RBMS1: variants seen among roughly 807,000 people sequenced by gnomAD.
RBMS1 encodes RNA binding motif single stranded interacting protein 1.
A neutral mutation model predicts 62.3 loss-of-function variants in RBMS1; 17 were observed. The observed-to-expected ratio is 0.27, with a 90% CI of 0.19 to 0.41. RBMS1 has a LOEUF of 0.41. RBMS1 is among the 10% of genes least tolerant of loss of function. The pLI is 1.00. For synonymous variants in RBMS1, 172 were observed against 170.0 expected (o/e 1.01, Z -0.09); for missense variants, 334 against 504.5 (o/e 0.66, Z 3.24).
At chr2:160,482,292 G>T (rs755705052) in intron 1 of RBMS1, among the ~76,000 whole-genome samples, 2 of 152,206 alleles carry the variant, frequency 1.3e-5, no homozygotes, top group Non-Finnish European at 2.9e-5. Context: ...CACACTAGTA[G>T]TTACCTTTAG....
chr2:160,338,947 T>C (rs1454752141), intron 2 of RBMS1, among the ~76,000 whole-genome samples: 3 of 152,150 alleles, frequency 2.0e-5, no homozygotes, highest in Non-Finnish European at 2.9e-5. Flanking sequence ...TACTTAATCC[T>C]CATCACAGGC....
At chr2:160,443,899 C>T (rs921862560) in intron 1 of RBMS1, among the ~76,000 whole-genome samples, 6 of 152,094 alleles carry the variant, frequency 3.9e-5, no homozygotes, top group African/African-American at 1.4e-4. Context: ...ACTTGTAGTA[C>T]TTGTACTTCT....
At chr2:160,310,288 A>T (rs899481619) in intron 4 of RBMS1, among the ~76,000 whole-genome samples, 1 of 152,216 alleles carries the variant, frequency 6.6e-6, no homozygotes, top group African/African-American at 2.4e-5. Context: ...CTGCCTGATC[A>T]CCAAATAATA....
chr2:160,297,867 G>A (rs1434534612), intron 6 of RBMS1, among the ~76,000 whole-genome samples: 1 of 152,242 alleles, frequency 6.6e-6, no homozygotes, highest in Non-Finnish European at 1.5e-5. Flanking sequence ...CAGGACTGCA[G>A]AAGTAGGCAA....
intron 2 of RBMS1, among the ~76,000 whole-genome samples, chr2:160,321,005 C>T (rs1277319997): frequency 2.0e-5 from 3 of 151,950 alleles, no homozygotes; most frequent in Non-Finnish European, 2.9e-5. Flanking sequence ...ACTGCTCAAG[C>T]TCTCAGAGTT....
chr2:160,407,022 A>T (rs1428056045), intron 1 of RBMS1, among the ~76,000 whole-genome samples: 1 of 149,704 alleles, frequency 6.7e-6, no homozygotes, highest in Non-Finnish European at 1.5e-5. Flanking sequence ...AGACACACAC[A>T]GAGACACAGA....
chr2:160,473,109 T>C (rs754049040), intron 1 of RBMS1, among the ~76,000 whole-genome samples: 3 of 152,346 alleles, frequency 2.0e-5, no homozygotes, highest in East Asian at 1.9e-4. Flanking sequence ...TAAGTGACAG[T>C]TGACTTCTCT....
intron 1 of RBMS1, among the ~76,000 whole-genome samples, chr2:160,435,319 G>A (rs187883400): frequency 1.4e-3 from 215 of 151,848 alleles, no homozygotes; most frequent in Non-Finnish European, 1.5e-3. Flanking sequence ...GTGTGGTCCC[G>A]AATACTTTTA....
At chr2:160,335,144 T>C (rs1691497266) in intron 2 of RBMS1, among the ~76,000 whole-genome samples, 1 of 152,152 alleles carries the variant, frequency 6.6e-6, no homozygotes, top group African/African-American at 2.4e-5. Flanking sequence ...AGAAATGGCA[T>C]GTGGTGGACC....
intron 2 of RBMS1, among the ~76,000 whole-genome samples, chr2:160,342,742 T>C (rs1573896934): frequency 8.1e-6 from 1 of 123,404 alleles, no homozygotes; most frequent in African/African-American, 3.2e-5. Context: ...CATGGTGAAA[T>C]CCCATCTCTA....
chr2:160,376,298 T>A (rs970151347), intron 1 of RBMS1, among the ~76,000 whole-genome samples: 1 of 152,216 alleles, frequency 6.6e-6, no homozygotes, highest in Non-Finnish European at 1.5e-5. Context: ...GACATGTGAA[T>A]GACCTTGCAG....
At chr2:160,391,713 C>A (rs1317289548) in intron 1 of RBMS1, among the ~76,000 whole-genome samples, 1 of 152,230 alleles carries the variant, frequency 6.6e-6, no homozygotes, top group Non-Finnish European at 1.5e-5. Context: ...CACAGTGGCT[C>A]ATGCCTGTAA....
chr2:160,438,701 TC>T (rs1471243198), intron 1 of RBMS1, among the ~76,000 whole-genome samples: 1 of 152,204 alleles, frequency 6.6e-6, no homozygotes, highest in Non-Finnish European at 1.5e-5. Flanking sequence ...CTCAGTCTTT[TC>T]CCCACCTTTC....
intron 1 of RBMS1, among the ~76,000 whole-genome samples, chr2:160,367,680 C>T (rs576726492): frequency 6.6e-6 from 1 of 152,244 alleles, no homozygotes; most frequent in East Asian, 1.9e-4. Flanking sequence ...ACATCTGAGA[C>T]TCAAAACGTG....
intron 1 of RBMS1, among the ~76,000 whole-genome samples, chr2:160,369,894 G>C (rs1693627015): frequency 1.3e-5 from 2 of 152,152 alleles, no homozygotes; most frequent in African/African-American, 4.8e-5. Context: ...ATTTAGACAT[G>C]AAAGTAGTAG....
At chr2:160,458,903 T>A (rs2105329587) in intron 1 of RBMS1, among the ~76,000 whole-genome samples, 1 of 152,336 alleles carries the variant, frequency 6.6e-6, no homozygotes, top group African/African-American at 2.4e-5. Context: ...GGCGGGCCCT[T>A]ACACTGCATT....
intron 1 of RBMS1, among the ~76,000 whole-genome samples, chr2:160,439,710 G>A (rs1574061240): frequency 1.3e-5 from 2 of 152,350 alleles, no homozygotes; most frequent in South Asian, 2.1e-4. Flanking sequence ...AGGCTGCTGG[G>A]AGGTGGAGGT....
Position 160,273,504 on chromosome 2 carries a change from T to C in RBMS1, c.*1268A>G, listed in dbSNP as rs1002879782. The C allele has an allele frequency of 3.3e-5, 5 of 150,278 alleles. No homozygotes were observed. The highest frequency in any genetic ancestry group is 7.3e-5 in the African/African-American group (3 of 41,020). The allele number at this position is 150,278 out of a possible 1,614,324, so 9.3% of individuals were successfully genotyped here. On this transcript the variant is annotated 3_prime_UTR_variant, in exon 14 of 14. Transcript: ENST00000348849. Reference sequence around the variant, plus strand: ...ATTTTTATTTTTCAAATTTACCTAATAGAGAGAGAGAGAGAGAGCTAGTAG... The same window carrying C: ...ATTTTTATTTTTCAAATTTACCTAACAGAGAGAGAGAGAGAGAGCTAGTAG...
At chr2:160,293,371 C>T (rs1470693935) in intron 6 of RBMS1, among the ~76,000 whole-genome samples, 1 of 152,078 alleles carries the variant, frequency 6.6e-6, no homozygotes, top group East Asian at 1.9e-4. Context: ...GGACACATAA[C>T]CAATTGGAAA....
Sources: allele counts gnomAD v4.1 joint callset (sites outside exome capture counted in the v4.1 genomes callset), GRCh38; gene constraint gnomAD v4.1.1; transcripts MANE v1.5; gene names NCBI Gene and HGNC (gene_info 2026-07-23, HGNC 2026-07-21).